NXPE4: variants seen among roughly 807,000 people sequenced by gnomAD.
NXPE4 encodes NXPE family member 4.
NXPE4 carries 42 observed loss-of-function variants against 33.3 expected under a neutral mutation model. The observed-to-expected ratio is 1.26, with a 90% CI of 0.98 to 1.63. The LOEUF (loss-of-function observed/expected upper bound fraction) is 1.63. NXPE4 is among the 40% of genes most tolerant of loss of function. The pLI is 0.00. For synonymous variants in NXPE4, 253 were observed against 234.9 expected (o/e 1.08, Z -0.71); for missense variants, 709 against 647.6 (o/e 1.09, Z -1.03).
chr11:114,626,608 A>G, the NXPE4 span, among the ~76,000 whole-genome samples: 3 of 152,264 alleles, frequency 2.0e-5, no homozygotes, highest in Non-Finnish European at 4.4e-5. Flanking sequence ...TCTAAAAAGC[A>G]GAGCGCCTCT....
At chr11:114,634,461 AG>A in the NXPE4 span, among the ~76,000 whole-genome samples, 2 of 151,944 alleles carry the variant, frequency 1.3e-5, no homozygotes, top group Non-Finnish European at 2.9e-5. Context: ...GCAGCTCTTT[AG>A]TTTAGTTAGA....
Position 114,582,645 on chromosome 11 carries a change from AAGTC to A in NXPE4, c.469_472del (p.Asp157SerfsTer45). 1 of 1,614,154 alleles carries A rather than the reference AAGTC, an allele frequency of 6.2e-7. No homozygotes were observed. The highest frequency in any genetic ancestry group is 1.1e-5 in the South Asian group (1 of 91,086). The stretch of plus-strand genomic sequence containing the variant: ...GCTGACCAGGTAGGTGCCGTTGTTG[AAGTC>A]AGTCACCTTTCCTGAAGCACCTGCC... On this transcript the variant is annotated frameshift_variant, in exon 3 of 6. Coordinates refer to ENST00000375478, the MANE Select transcript of NXPE4 (RefSeq NM_001077639.2). LOFTEE classifies it high-confidence loss of function.
At chr11:114,632,751 A>ATAATT in the NXPE4 span, among the ~76,000 whole-genome samples, 1 of 36,324 alleles carries the variant, frequency 2.8e-5, no homozygotes, top group Non-Finnish European at 5.2e-5. Context: ...AATATATTAT[A>ATAATT]ATATATCATA....
intron 5 of NXPE4, among the ~76,000 whole-genome samples, chr11:114,576,800 A>C (rs1398870456): frequency 6.6e-6 from 1 of 151,668 alleles, no homozygotes; most frequent in Non-Finnish European, 1.5e-5. Context: ...AGAACTAAAA[A>C]CAGATCTACC....
chr11:114,635,890 C>T, the NXPE4 span, among the ~76,000 whole-genome samples: 1 of 152,020 alleles, frequency 6.6e-6, no homozygotes, highest in African/African-American at 2.4e-5. Flanking sequence ...AGAATTTTTG[C>T]ATCAATGTTC....
At chr11:114,636,551 T>A in the NXPE4 span, among the ~76,000 whole-genome samples, 2 of 151,718 alleles carry the variant, frequency 1.3e-5, no homozygotes, top group Non-Finnish European at 3.0e-5. Context: ...TTAATTGTGA[T>A]GTTAGGGTGT....
the NXPE4 span, among the ~76,000 whole-genome samples, chr11:114,621,240 C>T: frequency 1.3e-5 from 2 of 152,026 alleles, no homozygotes; most frequent in African/African-American, 4.8e-5. Flanking sequence ...ACCACAGTTA[C>T]CCGGTGGATA....
the NXPE4 span, among the ~76,000 whole-genome samples, chr11:114,609,647 C>T: frequency 0.012 from 1,871 of 151,424 alleles, 36 homozygotes; most frequent in African/African-American, 0.042. Flanking sequence ...AGTGTGGCCT[C>T]GTGGGTAACG....
rs1949188395 is a variant in NXPE4, at chr11:114,582,879, T to C, written c.239A>G (p.Asp80Gly). The C allele has an allele frequency of 6.2e-7, 1 of 1,614,178 alleles. No individual in the cohort carries two copies. Among genetic ancestry groups the C allele is most frequent in the Non-Finnish European group, 8.5e-7 (1 of 1,180,018 alleles). Residue 80 changes from aspartate to glycine, a missense_variant, in exon 3 of 6, where the codon GAT becomes GGT. Coordinates refer to ENST00000375478, the MANE Select transcript of NXPE4 (RefSeq NM_001077639.2). Reference protein sequence around the residue: ...LRIKEIIEKLDQQIPPRPFTH... With the variant: ...LRIKEIIEKLGQQIPPRPFTH... ...GAAAGGTCTGGGTGGGATCTGCTGA[T>C]CTAGTTTCTCTATGATTTCCTTTAT... is the stretch of plus-strand genomic sequence containing the variant.
At chr11:114,609,907 A>T in the NXPE4 span, among the ~76,000 whole-genome samples, 8 of 151,574 alleles carry the variant, frequency 5.3e-5, no homozygotes, top group African/African-American at 1.9e-4. Context: ...CTCCTGGGTA[A>T]CTACCATTAA....
At chr11:114,636,953 G>A in the NXPE4 span, among the ~76,000 whole-genome samples, 5 of 152,134 alleles carry the variant, frequency 3.3e-5, no homozygotes, top group Admixed American at 6.5e-5. Flanking sequence ...ATTTGGGGTG[G>A]AGAGTTCTGT....
the NXPE4 span, among the ~76,000 whole-genome samples, chr11:114,645,020 G>T: frequency 4.6e-5 from 7 of 151,334 alleles, no homozygotes; most frequent in Admixed American, 1.3e-4. Flanking sequence ...AAAAAAAACA[G>T]GCCGGGCATA....
chr11:114,590,697 T>C (rs985342047), intron 2 of NXPE4, among the ~76,000 whole-genome samples: 1 of 152,104 alleles, frequency 6.6e-6, no homozygotes, highest in South Asian at 2.1e-4. Context: ...GCTCAACAAC[T>C]AGTGGGCTAC....
chr11:114,675,980 C>T, the NXPE4 span, among the ~76,000 whole-genome samples: 1 of 151,820 alleles, frequency 6.6e-6, no homozygotes, highest in East Asian at 1.9e-4. Flanking sequence ...GACAAAGGTG[C>T]CAAAAGCACA....
the NXPE4 span, among the ~76,000 whole-genome samples, chr11:114,615,592 T>A: frequency 6.8e-6 from 1 of 146,508 alleles, no homozygotes; most frequent in Non-Finnish European, 1.5e-5. Flanking sequence ...GTGAATAATA[T>A]TTGCTGCCTC....
At chr11:114,607,355 A>G in the NXPE4 span, among the ~76,000 whole-genome samples, 3 of 151,990 alleles carry the variant, frequency 2.0e-5, no homozygotes, top group African/African-American at 7.2e-5. Flanking sequence ...CCTCGTGGGT[A>G]ACCACTGTTA....
the NXPE4 span, among the ~76,000 whole-genome samples, chr11:114,632,904 A>T: frequency 1.1e-5 from 1 of 88,072 alleles, no homozygotes; most frequent in Non-Finnish European, 2.0e-5. Flanking sequence ...TTTATGTAAT[A>T]CAATATTATA....
the NXPE4 span, among the ~76,000 whole-genome samples, chr11:114,629,037 A>G: frequency 1.3e-5 from 2 of 152,104 alleles, no homozygotes; most frequent in African/African-American, 4.8e-5. Flanking sequence ...TCAATAGCTT[A>G]CCAATGAAAA....
chr11:114,604,059 C>T, the NXPE4 span, among the ~76,000 whole-genome samples: 3 of 151,816 alleles, frequency 2.0e-5, no homozygotes, highest in African/African-American at 7.3e-5. Context: ...ACTACTGCTA[C>T]CTGGTGGATA....
Sources: allele counts gnomAD v4.1 joint callset (sites outside exome capture counted in the v4.1 genomes callset), GRCh38; gene constraint gnomAD v4.1.1; transcripts MANE v1.5; gene names NCBI Gene and HGNC (gene_info 2026-07-23, HGNC 2026-07-21).